The following GAMT variants were observed in gnomAD, a reference collection of about 807,000 sequenced individuals.
The protein encoded by GAMT is epididymis secretory protein Li 20.
A neutral mutation model predicts 26.9 loss-of-function variants in GAMT; 26 were observed. The observed-to-expected ratio is 0.97, with a 90% CI of 0.71 to 1.34. The LOEUF (loss-of-function observed/expected upper bound fraction) is 1.34. Ranked by LOEUF, GAMT falls within the 40% of genes most tolerant of loss-of-function variation. GAMT has a pLI of 0.00. For missense variants in GAMT, 412 were observed against 345.0 expected (o/e 1.19, Z -1.54); for synonymous variants, 169 against 149.6 (o/e 1.13, Z -0.95).
At chr19:1,397,895 C>T in intron 5 of GAMT, 1 of 1,142,974 alleles carries the variant, frequency 8.7e-7, no homozygotes, top group Non-Finnish European at 1.1e-6. Flanking sequence ...AACAGCAGCC[C>T]AGGGCAACCA....
chr19:1,397,213 T>C lies in GAMT; in HGVS notation c.*146A>G, dbSNP rs659455. ...GGTGACACACAGCTGGGATCAGCCCTGGGCTGGTGGGACCCCTCACAGAGA... is the reference window on the plus strand; with the variant it reads ...GGTGACACACAGCTGGGATCAGCCCCGGGCTGGTGGGACCCCTCACAGAGA... On this transcript the variant is annotated 3_prime_UTR_variant, in exon 6 of 6. Coordinates refer to ENST00000252288, the MANE Select transcript of GAMT (RefSeq NM_000156.6). The C allele has an allele frequency of 1.1e-6, 1 of 943,476 alleles. No homozygotes were observed. The highest frequency in any genetic ancestry group is 1.6e-6 in the Non-Finnish European group (1 of 627,976). 58.4% of individuals were successfully genotyped at this position (943,476 alleles called of 1,614,324 possible). A position where few individuals can be genotyped will look rare whatever the true frequency, so the allele number is the denominator to read the frequency against.
chr19:1,401,425 G>A lies in GAMT; in HGVS notation c.52C>T (p.Pro18Ser). Residue 18 changes from proline to serine, a missense_variant, in exon 1 of 6, where the codon CCC becomes TCC. Transcript: ENST00000252288. ...GCCGCGGGCGCCGCCCCCCACGCGG[G>A]GCTGCAGTTCTCGCCGGGCGCGAAG... Reference protein sequence around the residue: ...PIFAPGENCSPAWGAAPAAYD... With the variant: ...PIFAPGENCSSAWGAAPAAYD... 1 of 1,437,228 alleles carries A rather than the reference G, an allele frequency of 7.0e-7. No individual in the cohort carries two copies. The highest frequency in any genetic ancestry group is 9.1e-7 in the Non-Finnish European group (1 of 1,096,106). 89.0% of individuals were successfully genotyped at this position (1,437,228 alleles called of 1,614,324 possible). A position where few individuals can be genotyped will look rare whatever the true frequency, so the allele number is the denominator to read the frequency against.
Position 1,399,989 on chromosome 19 carries a change from G to T in GAMT, c.182-51C>A. On this transcript the variant is annotated intron_variant, in intron 1 of 5. Transcript: ENST00000252288. This position sits in a 1 kb window ranked among gnomAD's most constrained non-coding sequence, Gnocchi z 6.2. The stretch of plus-strand genomic sequence containing the variant: ...TCACTAGGTGGGGCGGGCTTAGGAG[G>T]CTGCCTGGAGGAGGGGCACAGGGCA... The T allele has an allele frequency of 6.4e-7, 1 of 1,564,840 alleles. No individual in the cohort carries two copies. The highest frequency in any genetic ancestry group is 1.9e-5 in the Admixed American group (1 of 53,628).
chr19:1,399,899 G>A lies in GAMT; in HGVS notation c.221C>T (p.Ala74Val), dbSNP rs2082623791. 2.5e-6 allele frequency: 4 copies of A among 1,608,746 alleles called. No individual in the cohort carries two copies. The highest frequency in any genetic ancestry group is 3.4e-6 in the Non-Finnish European group (4 of 1,178,440). ...GGGCGCCTCCTGCACCTTTGACGCT[G>A]CGATGGCCATGCCAAAGCCCACCTC... ...VLEVGFGMAI[A>V]ASKVQEAPID... is the part of the protein sequence containing the mutation. The change falls in exon 2 of 6, where the codon GCA (alanine) becomes GTA (valine). Residue 74 changes from alanine to valine, a missense_variant. Coordinates refer to ENST00000252288, the MANE Select transcript of GAMT (RefSeq NM_000156.6). This position sits in a 1 kb window ranked among gnomAD's most constrained non-coding sequence, Gnocchi z 6.2.
chr19:1,398,994 G>GC lies in GAMT; in HGVS notation c.491dup (p.Val165ArgfsTer26), dbSNP rs749390953. 28 of 1,613,304 alleles carry GC rather than the reference G, an allele frequency of 1.7e-5. No homozygotes were observed. The highest frequency in any genetic ancestry group is 6.7e-5 in the East Asian group (3 of 44,890). ...AGGTGAGGTTGCAGTAGGTGAGGAC[G>GC]CCCCCCGGCTTCAGCAGGCGAAAGG... On this transcript the variant is annotated frameshift_variant, in exon 5 of 6. Coordinates refer to ENST00000252288, the MANE Select transcript of GAMT (RefSeq NM_000156.6). LOFTEE classifies it high-confidence loss of function.
Position 1,401,367 on chromosome 19 carries a change from A to C in GAMT, c.110T>G (p.Leu37Arg). The C allele has an allele frequency of 6.6e-7, 1 of 1,521,060 alleles. No individual in the cohort carries two copies. The highest frequency in any genetic ancestry group is 8.7e-7 in the Non-Finnish European group (1 of 1,143,186). 94.2% of individuals were successfully genotyped at this position (1,521,060 alleles called of 1,614,324 possible). Reference sequence around the variant, plus strand: ...CCAGCGCTCCATCACCGGCTTGCCCAGGATGCGCAGGTGCGTGTCCGCTGC... The same window carrying C: ...CCAGCGCTCCATCACCGGCTTGCCCCGGATGCGCAGGTGCGTGTCCGCTGC... ...YDAADTHLRI[L>R]GKPVMERWET... is the part of the protein sequence containing the mutation. Residue 37 changes from leucine to arginine, a missense_variant, in exon 1 of 6, where the codon CTG becomes CGG. By Grantham distance (102) the Leu-to-Arg change is moderately radical (BLOSUM62 -2). Coordinates refer to ENST00000252288, the MANE Select transcript of GAMT (RefSeq NM_000156.6).
intron 5 of GAMT, chr19:1,397,874 C>A: frequency 8.8e-7 from 1 of 1,134,076 alleles, no homozygotes; most frequent in South Asian, 2.1e-5. Flanking sequence ...AGGCACCCAG[C>A]CGGCTCTCAC....
Position 1,398,904 on chromosome 19 carries a change from A to G in GAMT, c.570+12T>C, listed in dbSNP as rs1320098966. 1.9e-6 allele frequency: 3 copies of G among 1,613,066 alleles called. No individual in the cohort carries two copies. The highest frequency in any genetic ancestry group is 2.5e-6 in the Non-Finnish European group (3 of 1,179,976). On this transcript the variant is annotated intron_variant, in intron 5 of 5. Coordinates refer to ENST00000252288, the MANE Select transcript of GAMT (RefSeq NM_000156.6). ...TTCCTGGAGACCCATGGGGAACTTC[A>G]GGTGGGCGCACCTCAAACATGATGG...
Position 1,401,441 on chromosome 19 carries a change from G to A in GAMT, c.36C>T (p.Pro12=), listed in dbSNP as rs760278546. The A allele has an allele frequency of 9.2e-6, 13 of 1,410,022 alleles. No individual in the cohort carries two copies. In the South Asian group the frequency reaches 1.8e-4, roughly 19 times the overall value. 87.3% of individuals were successfully genotyped at this position (1,410,022 alleles called of 1,614,324 possible). The part of the protein sequence containing the change: ...SAPSATPIFA[P]GENCSPAWGA... ...CCCACGCGGGGCTGCAGTTCTCGCC[G>A]GGCGCGAAGATGGGGGTCGCGCTGG... is the stretch of plus-strand genomic sequence containing the variant. The change falls in exon 1 of 6, where the codon CCC becomes CCT. Residue 12 remains proline, a synonymous_variant. Transcript: ENST00000252288.
intron 1 of GAMT, 36 bp downstream of exon 1, chr19:1,401,260 C>CG: frequency 7.2e-7 from 1 of 1,396,100 alleles, no homozygotes; most frequent in Non-Finnish European, 9.3e-7. Flanking sequence ...GTTTCCCCTG[C>CG]GCCCCCGGGG....
In GAMT at chr19:1,401,315, G is replaced by GGCC. The variant is rs748332944; in HGVS notation, c.159_161dup (p.Ala57dup). On this transcript the variant is annotated inframe_insertion, in exon 1 of 6. Transcript: ENST00000252288. The stretch of plus-strand genomic sequence containing the variant: ...GGCTACCTTTGGAGGAGGCGGCGGC[G>GGCC]GCCAGCGCGTGCATATAGGGGGTCT... The GGCC allele has an allele frequency of 3.3e-6, 5 of 1,516,150 alleles. No homozygotes were observed. The East Asian group carries it at 1.3e-4, about 41-fold the overall frequency. The allele number at this position is 1,516,150 out of a possible 1,614,324, so 93.9% of individuals were successfully genotyped here.
At chr19:1,400,571 G>C (rs1399622991) in intron 1 of GAMT, among the ~76,000 whole-genome samples, 1 of 152,168 alleles carries the variant, frequency 6.6e-6, no homozygotes, top group Non-Finnish European at 1.5e-5. Context: ...CTTATCTCTC[G>C]GGTTAGTTAC....
intron 1 of GAMT, among the ~76,000 whole-genome samples, chr19:1,400,852 C>T (rs776545346): frequency 2.0e-5 from 3 of 152,204 alleles, no homozygotes; most frequent in African/African-American, 4.8e-5. Context: ...AGGGCCACCC[C>T]GGGGACAGCT....
intron 1 of GAMT, among the ~76,000 whole-genome samples, chr19:1,400,922 C>T (rs2082630111): frequency 1.3e-5 from 2 of 152,290 alleles, no homozygotes; most frequent in African/African-American, 4.8e-5. Flanking sequence ...GGGCTGCTCT[C>T]CCAGGCAGGC....
Position 1,399,144 on chromosome 19 carries a change from T to G in GAMT, c.443A>C (p.Gln148Pro). The change falls in exon 4 of 6, where the codon CAG (glutamine) becomes CCG (proline). Residue 148 changes from glutamine (Q) to proline (P), a missense_variant. Gln to Pro is a moderately conservative substitution (Grantham distance 76, BLOSUM62 -1). Transcript: ENST00000252288. The surrounding 1 kb of genome is among the most constrained non-coding windows in gnomAD (Gnocchi z 6.2). ...PLSEETWHTHQFNFIKNHAFR... is the reference protein window; with the variant it reads ...PLSEETWHTHPFNFIKNHAFR... ...GAGAACCACCTTGATGAAGTTGAACTGGTGTGTGTGCCAGGTCTCCTCCGA... is the reference window on the plus strand; with the variant it reads ...GAGAACCACCTTGATGAAGTTGAACGGGTGTGTGTGCCAGGTCTCCTCCGA... 1 of 1,613,718 alleles carries G rather than the reference T, an allele frequency of 6.2e-7. No individual in the cohort carries two copies. Among genetic ancestry groups the G allele is most frequent in the South Asian group, 1.1e-5 (1 of 91,080 alleles).
Position 1,399,442 on chromosome 19 carries a change from T to G in GAMT, c.391+82A>C. The stretch of plus-strand genomic sequence containing the variant: ...TTGGGCTCTGTCCCCCCAGTGCACA[T>G]CAGAGGGACCCCCACAAGCAAAGGA... On this transcript the variant is annotated intron_variant, in intron 3 of 5. Coordinates refer to ENST00000252288, the MANE Select transcript of GAMT (RefSeq NM_000156.6). The surrounding 1 kb of genome is among the most constrained non-coding windows in gnomAD (Gnocchi z 6.2). 1 of 1,342,764 alleles carries G rather than the reference T, an allele frequency of 7.4e-7. No homozygotes were observed. The highest frequency in any genetic ancestry group is 2.2e-4 in the Middle Eastern group (1 of 4,642). 83.2% of individuals were successfully genotyped at this position (1,342,764 alleles called of 1,614,324 possible).
chr19:1,401,061 CT>C (rs1315572155), intron 1 of GAMT, among the ~76,000 whole-genome samples: 1 of 152,212 alleles, frequency 6.6e-6, no homozygotes, highest in Non-Finnish European at 1.5e-5. Context: ...GGGGGCCTCA[CT>C]CCCCCTGGAG....
At chr19:1,397,736 C>A in intron 5 of GAMT, 3 of 1,404,990 alleles carry the variant, frequency 2.1e-6, no homozygotes, top group Non-Finnish European at 2.8e-6. Flanking sequence ...ACTCGAGCCA[C>A]CCCCGGGCAC....
At chr19:1,398,498 C>A (rs988958940) in intron 5 of GAMT, 5 of 534,538 alleles carry the variant, frequency 9.4e-6, no homozygotes, top group Non-Finnish European at 1.3e-5. Flanking sequence ...TGCAGTGGTT[C>A]GATCTGGGCT....
Sources: gnomAD v4.1 joint callset for allele counts (sites outside exome capture counted in the v4.1 genomes callset) on GRCh38, gnomAD v4.1.1 for gene constraint, Gnocchi (gnomAD v3.1) non-coding constraint, MANE v1.5 for transcripts, NCBI Gene and HGNC (gene_info 2026-07-23, HGNC 2026-07-21) for gene names.